KIRREL1: variants seen among roughly 807,000 people sequenced by gnomAD.
KIRREL1 encodes the protein kirre like nephrin family adhesion molecule 1, also known as kin of IRRE-like protein 1.
KIRREL1 carries 25 observed loss-of-function variants against 83.3 expected under a neutral mutation model. The observed-to-expected ratio is 0.30, with a 90% CI of 0.22 to 0.42. The LOEUF (loss-of-function observed/expected upper bound fraction) is 0.42. Ranked by LOEUF, KIRREL1 falls within the 10% of genes least tolerant of loss-of-function variation. The probability of loss-of-function intolerance (pLI) is 1.00; values close to 1 mark genes in which losing one functional copy is unlikely to be tolerated. For synonymous variants in KIRREL1, 388 were observed against 410.4 expected (o/e 0.95, Z 0.66); for missense variants, 812 against 1,032.3 (o/e 0.79, Z 2.92).
intron 1 of KIRREL1, among the ~76,000 whole-genome samples, chr1:158,008,604 A>G (rs1343770534): frequency 2.6e-5 from 4 of 152,012 alleles, no homozygotes; most frequent in Non-Finnish European, 5.9e-5. Flanking sequence ...GTTTGTGGGG[A>G]GCAGGACACC....
intron 1 of KIRREL1, among the ~76,000 whole-genome samples, chr1:158,011,405 C>G (rs965979723): frequency 1.8e-4 from 28 of 152,208 alleles, no homozygotes; most frequent in African/African-American, 6.8e-4. Flanking sequence ...GTAAAATGGG[C>G]TGAAGAGCTG....
chr1:158,012,333 A>T (rs1234941439), intron 1 of KIRREL1, among the ~76,000 whole-genome samples: 1 of 152,154 alleles, frequency 6.6e-6, no homozygotes, highest in Non-Finnish European at 1.5e-5. Flanking sequence ...TGGAGTTCAG[A>T]CTGCTCAGAT....
At chr1:158,091,693 TC>T (rs1305391422) in intron 11 of KIRREL1, 137 bp downstream of exon 11, 16 of 810,800 alleles carry the variant, frequency 2.0e-5, no homozygotes, top group Non-Finnish European at 3.1e-5. Context: ...CAGAGGGATG[TC>T]CTGGCTGAGA....
At chr1:158,057,793 C>T (rs936250878) in intron 1 of KIRREL1, among the ~76,000 whole-genome samples, 1 of 152,156 alleles carries the variant, frequency 6.6e-6, no homozygotes. Flanking sequence ...TCCAAGAGAC[C>T]TGGATTTCTA....
intron 1 of KIRREL1, among the ~76,000 whole-genome samples, chr1:158,015,428 G>C (rs1659802433): frequency 6.6e-6 from 1 of 152,168 alleles, no homozygotes; most frequent in Admixed American, 6.5e-5. Flanking sequence ...TGGAGAGTTG[G>C]GAACCAAGAT....
chr1:157,993,884 G>C (rs186030257), intron 1 of KIRREL1, among the ~76,000 whole-genome samples, 156 bp downstream of exon 1: 87 of 152,258 alleles, frequency 5.7e-4, no homozygotes, highest in Non-Finnish European at 9.6e-4. Context: ...GCAGAGCCCT[G>C]GGGGAGGGGG....
chr1:158,087,147 T>C (rs1309152525), intron 5 of KIRREL1, among the ~76,000 whole-genome samples: 1 of 152,224 alleles, frequency 6.6e-6, no homozygotes, highest in Non-Finnish European at 1.5e-5. Context: ...TAAGTTTCAC[T>C]GCAGATGTAT....
At chr1:158,072,278 T>C (rs1371479262) in intron 1 of KIRREL1, among the ~76,000 whole-genome samples, 1 of 152,058 alleles carries the variant, frequency 6.6e-6, no homozygotes, top group Non-Finnish European at 1.5e-5. Flanking sequence ...TGCCTCCTTT[T>C]CTGGATGGTG....
chr1:158,055,679 G>A (rs557781011), intron 1 of KIRREL1, among the ~76,000 whole-genome samples: 4 of 152,338 alleles, frequency 2.6e-5, no homozygotes, highest in African/African-American at 9.6e-5. Context: ...GGCTGCCTAG[G>A]CGCCCTCCCT....
intron 1 of KIRREL1, among the ~76,000 whole-genome samples, chr1:158,047,444 C>T (rs1019704997): frequency 6.6e-6 from 1 of 152,144 alleles, no homozygotes; most frequent in Admixed American, 6.5e-5. Flanking sequence ...TGAGGATATT[C>T]CACCTTCTGA....
At chr1:158,000,302 T>C (rs1275584544) in intron 1 of KIRREL1, among the ~76,000 whole-genome samples, 1 of 152,250 alleles carries the variant, frequency 6.6e-6, no homozygotes, top group Non-Finnish European at 1.5e-5. Context: ...AGAGCACTAG[T>C]GTGCAACAGT....
Position 158,094,998 on chromosome 1 carries a change from C to T in KIRREL1, c.2152C>T (p.Arg718Trp), listed in dbSNP as rs1455750111. ...YPQAPPSGLE[R>W]TPYEAYDPIG... ...CCAGGCCCCACCCTCTGGCCTGGAG[C>T]GGACCCCATATGAGGCGTATGACCC... Residue 718 changes from arginine (R) to tryptophan (W), a missense_variant, in exon 15 of 15, where the codon CGG becomes TGG. By Grantham distance (101) the Arg-to-Trp change is moderately radical. This residue lies in a region of KIRREL1 where 334 missense variants were observed against 383.7 expected (regional missense o/e 0.87). Transcript: ENST00000359209. This position sits in a 1 kb window ranked among gnomAD's most constrained non-coding sequence, Gnocchi z 4.6. 7.4e-6 allele frequency: 12 copies of T among 1,613,954 alleles called. No individual in the cohort carries two copies. The highest frequency in any genetic ancestry group is 4.0e-5 in the African/African-American group (3 of 75,038).
intron 1 of KIRREL1, among the ~76,000 whole-genome samples, chr1:158,056,012 T>TCAGCC (rs1188533281): frequency 6.6e-6 from 1 of 152,208 alleles, no homozygotes; most frequent in Non-Finnish European, 1.5e-5. Flanking sequence ...GGACACTCCC[T>TCAGCC]CAGCCCCATC....
intron 1 of KIRREL1, among the ~76,000 whole-genome samples, chr1:158,049,689 A>G (rs1171271017): frequency 2.0e-5 from 3 of 152,058 alleles, no homozygotes; most frequent in African/African-American, 4.8e-5. Context: ...TTATTGCAGT[A>G]GTCCAGGGGA....
intron 3 of KIRREL1, among the ~76,000 whole-genome samples, chr1:158,082,685 C>T (rs756978024): frequency 6.6e-6 from 1 of 152,140 alleles, no homozygotes; most frequent in Non-Finnish European, 1.5e-5. Context: ...AATCTTTTAT[C>T]GGTGGAGCAC....
At chr1:158,078,974 C>T (rs1212945098) in intron 3 of KIRREL1, among the ~76,000 whole-genome samples, 1 of 152,054 alleles carries the variant, frequency 6.6e-6, no homozygotes, top group Non-Finnish European at 1.5e-5. Context: ...ACCCACTCAG[C>T]CCCCAGCCTC....
rs775046600 is a variant in KIRREL1 at position 158,091,393 on chromosome 1, G to T, written c.1308G>T (p.Gly436=). 1.4e-5 allele frequency: 23 copies of T among 1,614,036 alleles called. No homozygotes were observed. In the Middle Eastern group the frequency reaches 4.9e-4, roughly 35 times the overall value. ...GGAAGGAGAACTTCTTGGAGGTGGG[G>T]ACCCTGGAACGCTATACAGTGGAGA... ...WAWKENFLEV[G]TLERYTVERT... is the part of the protein sequence containing the mutation. Residue 436 remains glycine, a synonymous_variant, in exon 11 of 15, where the codon GGG becomes GGT. Coordinates refer to ENST00000359209, the MANE Select transcript of KIRREL1 (RefSeq NM_018240.7).
chr1:158,004,683 C>T (rs1335603820), intron 1 of KIRREL1, among the ~76,000 whole-genome samples: 1 of 152,148 alleles, frequency 6.6e-6, no homozygotes. Flanking sequence ...GTGGCTCATA[C>T]CTGTAATCCC....
chr1:158,035,241 T>G (rs1980765), intron 1 of KIRREL1, among the ~76,000 whole-genome samples: 1 of 152,140 alleles, frequency 6.6e-6, no homozygotes, highest in African/African-American at 2.4e-5. Flanking sequence ...GAAACCTGTT[T>G]AGAACAGCCC....
Sources: gnomAD v4.1 joint callset for allele counts (sites outside exome capture counted in the v4.1 genomes callset) on GRCh38, gnomAD v4.1.1 for gene constraint, gnomAD v4.1.1 regional missense constraint, Gnocchi (gnomAD v3.1) non-coding constraint, MANE v1.5 for transcripts, NCBI Gene and HGNC (gene_info 2026-07-23, HGNC 2026-07-21) for gene names.